The following HNRNPM variants were observed in gnomAD, a reference collection of about 807,000 sequenced individuals.
HNRNPM encodes the protein heterogeneous nuclear ribonucleoprotein M, also known as CEA receptor.
A neutral mutation model predicts 73.1 loss-of-function variants in HNRNPM; 11 were observed. That is an observed-to-expected ratio of 0.15 (90% CI 0.09 to 0.25). HNRNPM has a LOEUF of 0.25. HNRNPM is among the 10% of genes least tolerant of loss of function. The probability of loss-of-function intolerance (pLI) is 1.00; values close to 1 mark genes in which losing one functional copy is unlikely to be tolerated. For missense variants in HNRNPM, 789 were observed against 1,067.9 expected, an observed-to-expected ratio of 0.74 and a Z score of 3.64; for synonymous variants, 407 against 355.2, an observed-to-expected ratio of 1.15 and a Z score of -1.64.
At chr19:8,463,560 T>G (rs1599780583) in intron 4 of HNRNPM, 33 bp from the exon 5 acceptor site, 1 of 1,612,666 alleles carries the variant, frequency 6.2e-7, no homozygotes, top group Non-Finnish European at 8.5e-7. Flanking sequence ...GTAGGACTGG[T>G]TTCACTCGAC....
At position 8,455,428 on chromosome 19, in the gene HNRNPM, A is replaced by G. The variant is rs1329102136; in HGVS notation, c.137A>G (p.Asn46Ser). Residue 46 changes from asparagine to serine, a missense_variant, in exon 2 of 16, where the codon AAT becomes AGT. Asn to Ser is a conservative substitution (Grantham distance 46). Coordinates refer to ENST00000325495, the MANE Select transcript of HNRNPM (RefSeq NM_005968.5). The part of the protein sequence containing the change: ...PKGEGERPAQ[N>S]EKRKEKNIKR... ...AGTGAAGGAGAACGACCTGCTCAGAATGAGAAGAGGAAGGAGAAAAACATA... is the reference window on the plus strand; with the variant it reads ...AGTGAAGGAGAACGACCTGCTCAGAGTGAGAAGAGGAAGGAGAAAAACATA... 6.2e-7 allele frequency: 1 copy of G among 1,614,050 alleles called. No individual in the cohort carries two copies. Among genetic ancestry groups the G allele is most frequent in the Non-Finnish European group, 8.5e-7 (1 of 1,179,974 alleles).
At chr19:8,477,904 C>T (rs1312814630) in intron 12 of HNRNPM, among the ~76,000 whole-genome samples, 2 of 152,148 alleles carry the variant, frequency 1.3e-5, no homozygotes, top group Non-Finnish European at 2.9e-5. Flanking sequence ...CAGCATGTGA[C>T]CTTGGTCAAG....
At chr19:8,477,981 C>T (rs557258075) in intron 12 of HNRNPM, among the ~76,000 whole-genome samples, 3 of 152,282 alleles carry the variant, frequency 2.0e-5, no homozygotes, top group East Asian at 1.9e-4. Flanking sequence ...AACAGGCGTG[C>T]GTGGCATGGT....
At chr19:8,463,564 A>G in intron 4 of HNRNPM, 29 bp from the exon 5 acceptor site, 1 of 1,612,740 alleles carries the variant, frequency 6.2e-7, no homozygotes, top group Non-Finnish European at 8.5e-7. Context: ...GACTGGTTTC[A>G]CTCGACTCGT....
intron 7 of HNRNPM, 106 bp downstream of exon 7, chr19:8,466,494 T>C (rs1048478865): frequency 3.3e-5 from 38 of 1,154,722 alleles, no homozygotes; most frequent in South Asian, 5.0e-5. Flanking sequence ...TCATGTTTTT[T>C]ATGTGACTAG....
chr19:8,470,362 C>T (rs760471461), intron 9 of HNRNPM, among the ~76,000 whole-genome samples: 1 of 152,186 alleles, frequency 6.6e-6, no homozygotes, highest in Non-Finnish European at 1.5e-5. Flanking sequence ...GAGTCTCGCT[C>T]TGTCGCCCAG....
intron 12 of HNRNPM, among the ~76,000 whole-genome samples, chr19:8,482,255 G>A (rs8106512): frequency 0.04 from 6,117 of 152,188 alleles, 276 homozygotes; most frequent in African/African-American, 0.11. Context: ...CTGCGCGGCC[G>A]GGGGACAGGT....
chr19:8,450,274 A>G (rs1397358798), intron 1 of HNRNPM, among the ~76,000 whole-genome samples: 1 of 152,190 alleles, frequency 6.6e-6, no homozygotes, highest in African/African-American at 2.4e-5. Flanking sequence ...GCCATTTCAA[A>G]CTGCACCCTT....
chr19:8,455,053 G>A (rs1968909059), intron 1 of HNRNPM, among the ~76,000 whole-genome samples: 1 of 151,978 alleles, frequency 6.6e-6, no homozygotes. Flanking sequence ...TAGTTTGCTG[G>A]AGCCTCGAAC....
In HNRNPM at chr19:8,462,726, G is replaced by A. The variant is rs552705783; in HGVS notation, c.336+145G>A. 4.1e-6 allele frequency: 3 copies of A among 730,434 alleles called. No individual in the cohort carries two copies. The highest frequency in any genetic ancestry group is 3.5e-5 in the African/African-American group (2 of 56,962). 45.2% of individuals were successfully genotyped at this position (730,434 alleles called of 1,614,324 possible). A position where few individuals can be genotyped will look rare whatever the true frequency, so the allele number is the denominator to read the frequency against. ...TGATTTTGCCAAACATTTGAGTGGG[G>A]TGGGAGGGGATTTGCAAATGGGAGT... On this transcript the variant is annotated intron_variant, in intron 3 of 15. Coordinates refer to ENST00000325495, the MANE Select transcript of HNRNPM (RefSeq NM_005968.5). This position sits in a 1 kb window ranked among gnomAD's most constrained non-coding sequence, Gnocchi z 4.5.
chr19:8,461,127 G>T lies in HNRNPM; in HGVS notation c.284-1402G>T, dbSNP rs925993286. 2.6e-5 allele frequency among the ~76,000 whole-genome samples: 4 copies of T among 152,170 alleles called. No individual in the cohort carries two copies. In the South Asian group the frequency reaches 8.3e-4, roughly 32 times the overall value. On this transcript the variant is annotated intron_variant, in intron 2 of 15. Transcript: ENST00000325495. ...TGATGATTCTCCTGTTTTGTACAAA[G>T]TGTCAGTTTCGTTCTGAAACATTTC...
In HNRNPM at chr19:8,483,197, C is replaced by G. The variant is rs1971040338; in HGVS notation, c.1160C>G (p.Ala387Gly). Residue 387 changes from alanine (A) to glycine (G), a missense_variant, in exon 13 of 16, where the codon GCA (alanine) becomes GGA (glycine). Ala to Gly is a moderately conservative substitution (Grantham distance 60). Transcript: ENST00000325495. Reference sequence around the variant, plus strand: ...GCACTGAAGAGAGGAGAGATCATTGCAAAGCAGGGAGGAGGTAGGAACCGC... The same window carrying G: ...GCACTGAAGAGAGGAGAGATCATTGGAAAGCAGGGAGGAGGTAGGAACCGC... ...SNALKRGEII[A>G]KQGGGGGGGS... The G allele has an allele frequency of 1.2e-6, 2 of 1,612,072 alleles. No individual in the cohort carries two copies. Among genetic ancestry groups the G allele is most frequent in the Admixed American group, 3.3e-5 (2 of 59,724 alleles).
chr19:8,467,204 T>A (rs1969817318), intron 7 of HNRNPM, among the ~76,000 whole-genome samples: 1 of 152,158 alleles, frequency 6.6e-6, no homozygotes, highest in Admixed American at 6.5e-5. Context: ...GAAAACATGG[T>A]CCTTCAGTTT....
rs1162620810 is a variant in HNRNPM at position 8,471,313 on chromosome 19, CTT to C, written c.896-10_896-9del. On this transcript the variant is annotated splice_polypyrimidine_tract_variant and intron_variant, in intron 9 of 15. Transcript: ENST00000325495. ...ATAGGGGAAAACTAAGCTTCTTTCT[CTT>C]TTCTTTCCAGATGGCCTTGGTGGTA... 1 of 1,526,734 alleles carries C rather than the reference CTT, an allele frequency of 6.5e-7. No homozygotes were observed. The highest frequency in any genetic ancestry group is 2.1e-5 in the Admixed American group (1 of 47,822). 94.6% of individuals were successfully genotyped at this position (1,526,734 alleles called of 1,614,324 possible).
At chr19:8,482,847 C>T (rs781127544) in intron 12 of HNRNPM, 2 of 248,760 alleles carry the variant, frequency 8.0e-6, no homozygotes, top group Non-Finnish European at 1.5e-5. Flanking sequence ...GACCCGATGG[C>T]CCTCTTCTTG....
intron 11 of HNRNPM, 99 bp downstream of exon 11, chr19:8,473,807 T>C: frequency 1.2e-6 from 1 of 818,428 alleles, no homozygotes; most frequent in Non-Finnish European, 2.0e-6. Context: ...TGAAATTCTC[T>C]TTGGTTTCAG....
At position 8,474,111 on chromosome 19, in the gene HNRNPM, C is replaced by G. The variant is rs185972229; in HGVS notation, c.1043-56C>G. Reference sequence around the variant, plus strand: ...AACATGTGATAGAATTTTTCTTTCCCTGCTTAGTCTAAGCAGTCTTGTTGG... The same window carrying G: ...AACATGTGATAGAATTTTTCTTTCCGTGCTTAGTCTAAGCAGTCTTGTTGG... On this transcript the variant is annotated intron_variant, in intron 11 of 15. Transcript: ENST00000325495. 1.3e-5 allele frequency: 17 copies of G among 1,285,224 alleles called. No individual in the cohort carries two copies. In the East Asian group the frequency reaches 4.4e-4, roughly 34 times the overall value. The allele number at this position is 1,285,224 out of a possible 1,614,324, so 79.6% of individuals were successfully genotyped here.
chr19:8,457,675 C>G lies in HNRNPM; in HGVS notation c.283+2101C>G, dbSNP rs182359459. On this transcript the variant is annotated intron_variant, in intron 2 of 15. Coordinates refer to ENST00000325495, the MANE Select transcript of HNRNPM (RefSeq NM_005968.5). ...AGTATGTGAGGTCTAAAGAAATTTA[C>G]TGTGTTTACATACATATGACTTCTT... Among the ~76,000 whole-genome samples the G allele has an allele frequency of 9.9e-5, 15 of 152,280 alleles. No individual in the cohort carries two copies. The East Asian group carries it at 2.9e-3, about 29-fold the overall frequency.
chr19:8,469,634 A>G (rs1271244634), intron 9 of HNRNPM, among the ~76,000 whole-genome samples: 1 of 152,232 alleles, frequency 6.6e-6, no homozygotes, highest in Non-Finnish European at 1.5e-5. Flanking sequence ...GCAGAGTCAT[A>G]GATAAGCCAG....
Sources: allele counts gnomAD v4.1 joint callset (sites outside exome capture counted in the v4.1 genomes callset), GRCh38; gene constraint gnomAD v4.1.1; non-coding constraint Gnocchi (gnomAD v3.1); transcripts MANE v1.5; gene names NCBI Gene and HGNC (gene_info 2026-07-23, HGNC 2026-07-21).